DDX10: variants seen among roughly 807,000 people sequenced by gnomAD.
DDX10 encodes the protein DEAD-box helicase 10.
A neutral mutation model predicts 104.3 loss-of-function variants in DDX10; 74 were observed. The ratio of observed to expected loss-of-function variants is 0.71; its 90% CI spans 0.59 to 0.86. The LOEUF (loss-of-function observed/expected upper bound fraction) is 0.86. Ranked by LOEUF, DDX10 falls within the 40% of genes least tolerant of loss-of-function variation. The pLI, the probability that DDX10 is intolerant of heterozygous loss-of-function variation, is 0.00. For missense variants in DDX10, 952 were observed against 1,040.0 expected (o/e 0.92, Z 1.16); for synonymous variants, 351 against 353.4 (o/e 0.99, Z 0.08).
intron 13 of DDX10, among the ~76,000 whole-genome samples, chr11:108,817,399 CTT>C (rs1484274578): frequency 6.6e-6 from 1 of 152,208 alleles, no homozygotes; most frequent in Non-Finnish European, 1.5e-5. Flanking sequence ...ACCTATAACT[CTT>C]TATGTAGATC....
At chr11:108,750,926 C>CTTTTTTTTTTTTTTTTTTTTT (rs10582729) in intron 13 of DDX10, among the ~76,000 whole-genome samples, 1 of 24,262 alleles carries the variant, frequency 4.1e-5, no homozygotes, top group African/African-American at 9.5e-5. Flanking sequence ...CACCTGGTTA[C>CTTTTTTTTTTTTTTTTTTTTT]TTTTTTTTTT....
At chr11:108,840,048 A>G (rs1373534151) in intron 14 of DDX10, among the ~76,000 whole-genome samples, 1 of 152,190 alleles carries the variant, frequency 6.6e-6, no homozygotes, top group African/African-American at 2.4e-5. Context: ...TCTGAAAGAA[A>G]TGCCACTATA....
rs898502339 is a variant in DDX10 at position 108,905,314 on chromosome 11, G to GC, written c.2305-12559_2305-12558insC. Among the ~76,000 whole-genome samples the GC allele has an allele frequency of 2.7e-4, 34 of 126,530 alleles. 1 individual carries two copies. The highest frequency in any genetic ancestry group is 1.2e-3 in the African/African-American group (26 of 22,018). The allele number at this position is 126,530 out of a possible 152,430, so 83.0% of individuals were successfully genotyped here. ...ATAAGGTACTATTAGATTGTTTAAG[G>GC]GGGGGGGGGGTTGAAATCCTGTGAT... On this transcript the variant is annotated intron_variant, in intron 16 of 17. Coordinates refer to ENST00000322536, the MANE Select transcript of DDX10 (RefSeq NM_004398.4).
At chr11:108,870,207 C>T (rs1190896289) in intron 16 of DDX10, among the ~76,000 whole-genome samples, 3 of 152,138 alleles carry the variant, frequency 2.0e-5, no homozygotes, top group African/African-American at 7.2e-5. Flanking sequence ...CTATCCCTAT[C>T]ATCCAAGTCA....
At chr11:108,896,107 G>A (rs1412852050) in intron 16 of DDX10, among the ~76,000 whole-genome samples, 5 of 152,174 alleles carry the variant, frequency 3.3e-5, no homozygotes, top group Middle Eastern at 3.4e-3. Context: ...CCACTTTGCC[G>A]TGACTGTATT....
intron 16 of DDX10, 47 bp downstream of exon 16, chr11:108,852,256 A>T (rs1199250587): frequency 1.4e-6 from 2 of 1,460,780 alleles, no homozygotes; most frequent in African/African-American, 1.4e-5. Flanking sequence ...TTAAGGTAGA[A>T]TGGACAAAAG....
intron 13 of DDX10, among the ~76,000 whole-genome samples, chr11:108,821,793 T>C (rs1862328298): frequency 6.6e-6 from 1 of 152,178 alleles, no homozygotes; most frequent in Non-Finnish European, 1.5e-5. Context: ...CTAAAATGCC[T>C]TTCAGTAAGT....
chr11:108,706,173 C>T (rs577704213), intron 9 of DDX10, among the ~76,000 whole-genome samples: 17 of 152,048 alleles, frequency 1.1e-4, no homozygotes, highest in African/African-American at 1.7e-4. Flanking sequence ...GGTTTCACCA[C>T]GTTGGCCACA....
chr11:108,818,889 A>G (rs937690375), intron 13 of DDX10, among the ~76,000 whole-genome samples: 1 of 152,164 alleles, frequency 6.6e-6, no homozygotes, highest in Non-Finnish European at 1.5e-5. Context: ...ATGGATGGCA[A>G]TTATTTTGCA....
rs138308857 is a variant in DDX10 at position 108,886,437 on chromosome 11, A to G, written c.2305-31436A>G. Among the ~76,000 whole-genome samples the G allele has an allele frequency of 4.6e-5, 7 of 152,240 alleles. No homozygotes were observed. In the East Asian group the frequency reaches 1.4e-3, roughly 29 times the overall value. Reference sequence around the variant, plus strand: ...TATGTGCAAATGCATTTTTTTCCATAGGTCATTGTCAGTGGCCTGTGAAAA... The same window carrying G: ...TATGTGCAAATGCATTTTTTTCCATGGGTCATTGTCAGTGGCCTGTGAAAA... On this transcript the variant is annotated intron_variant, in intron 16 of 17. Coordinates refer to ENST00000322536, the MANE Select transcript of DDX10 (RefSeq NM_004398.4).
chr11:108,737,044 G>T (rs1478054930), intron 13 of DDX10, among the ~76,000 whole-genome samples: 1 of 152,080 alleles, frequency 6.6e-6, no homozygotes, highest in Non-Finnish European at 1.5e-5. Flanking sequence ...ATTCTCTGCA[G>T]CATCTTTCAC....
At chr11:108,701,963 C>A (rs745786586) in intron 9 of DDX10, among the ~76,000 whole-genome samples, 10 of 152,088 alleles carry the variant, frequency 6.6e-5, no homozygotes, top group Non-Finnish European at 1.3e-4. Context: ...GGGTTACAGG[C>A]GTGAACCACT....
intron 10 of DDX10, among the ~76,000 whole-genome samples, chr11:108,710,640 A>C (rs1167115815): frequency 6.6e-6 from 1 of 152,166 alleles, no homozygotes; most frequent in Non-Finnish European, 1.5e-5. Context: ...TGTTTTTATA[A>C]GTAGAAGGAA....
chr11:108,735,901 G>A (rs2094317737), intron 13 of DDX10, among the ~76,000 whole-genome samples: 1 of 152,106 alleles, frequency 6.6e-6, no homozygotes, highest in African/African-American at 2.4e-5. Context: ...GAACAGGGAT[G>A]TCTGCATATT....
At chr11:108,904,381 C>T (rs1863562669) in intron 16 of DDX10, among the ~76,000 whole-genome samples, 3 of 152,084 alleles carry the variant, frequency 2.0e-5, no homozygotes, top group African/African-American at 7.2e-5. Flanking sequence ...GAATGTTTTC[C>T]CCACTATTTA....
intron 13 of DDX10, among the ~76,000 whole-genome samples, chr11:108,801,491 G>C (rs1862019828): frequency 6.6e-6 from 1 of 152,132 alleles, no homozygotes; most frequent in Admixed American, 6.5e-5. Context: ...AAGATGAGAG[G>C]TCAGAAGACC....
At chr11:108,761,829 G>A (rs999070900) in intron 13 of DDX10, among the ~76,000 whole-genome samples, 2 of 152,184 alleles carry the variant, frequency 1.3e-5, no homozygotes, top group Non-Finnish European at 1.5e-5. Flanking sequence ...ATTTCCTGTA[G>A]TGTACATTAT....
chr11:108,770,631 G>A (rs890657388), intron 13 of DDX10, among the ~76,000 whole-genome samples: 1 of 151,584 alleles, frequency 6.6e-6, no homozygotes, highest in African/African-American at 2.4e-5. Context: ...GTCTTTCTGT[G>A]CCTGGCTTAT....
intron 9 of DDX10, among the ~76,000 whole-genome samples, chr11:108,697,071 A>T (rs984543543): frequency 6.6e-6 from 1 of 152,192 alleles, no homozygotes; most frequent in Admixed American, 6.5e-5. Flanking sequence ...AAGAGAGAGA[A>T]TACTAATCTG....
Sources: allele counts gnomAD v4.1 joint callset (sites outside exome capture counted in the v4.1 genomes callset), GRCh38; gene constraint gnomAD v4.1.1; transcripts MANE v1.5; gene names NCBI Gene and HGNC (gene_info 2026-07-23, HGNC 2026-07-21).